Variants in GPI observed in about 807,000 individuals in gnomAD.
GPI encodes the protein glucose-6-phosphate isomerase.
Under a neutral mutation model 75.8 loss-of-function variants are expected in GPI, and 56 were observed. The observed-to-expected ratio is 0.74, with a 90% CI of 0.60 to 0.92. GPI has a LOEUF of 0.92. GPI is among the 40% of genes least tolerant of loss of function. GPI has a pLI of 0.00. For missense variants in GPI, 638 were observed against 741.0 expected (o/e 0.86, Z 1.61); for synonymous variants, 288 against 285.4 (o/e 1.01, Z -0.09).
Position 34,400,308 on chromosome 19 carries a change from A to G in GPI, c.*272A>G, listed in dbSNP as rs1231821160. The G allele has an allele frequency of 1.7e-6, 1 of 596,876 alleles. No homozygotes were observed. The highest frequency in any genetic ancestry group is 3.0e-6 in the Non-Finnish European group (1 of 335,552). 37.0% of individuals were successfully genotyped at this position (596,876 alleles called of 1,614,324 possible). A position where few individuals can be genotyped will look rare whatever the true frequency, so the allele number is the denominator to read the frequency against. On this transcript the variant is annotated 3_prime_UTR_variant, in exon 18 of 18. Coordinates refer to ENST00000356487, the MANE Select transcript of GPI (RefSeq NM_000175.5). ...CACGTTGTTCACATCCCATGTAGAA[A>G]AATAAAGATGCCACGGAGGAGGTTG...
Position 34,400,817 on chromosome 19 carries a change from C to G in GPI, c.*781C>G, listed in dbSNP as rs1406988175. 1 of 366,954 alleles carries G rather than the reference C, an allele frequency of 2.7e-6. No individual in the cohort carries two copies. Among genetic ancestry groups the G allele is most frequent in the Non-Finnish European group, 4.8e-6 (1 of 206,436 alleles). 22.7% of individuals were successfully genotyped at this position (366,954 alleles called of 1,614,324 possible). On this transcript the variant is annotated 3_prime_UTR_variant, in exon 18 of 18. Coordinates refer to ENST00000356487, the MANE Select transcript of GPI (RefSeq NM_000175.5). ...TCGGCTCACTGCAACCTCCGCCTCC[C>G]GGGTTCAAGCTATTCTCCTGCCTCA...
At position 34,400,682 on chromosome 19, in the gene GPI, G is replaced by A. The variant is rs1328436641; in HGVS notation, c.*646G>A. 9.9e-6 allele frequency: 4 copies of A among 403,468 alleles called. No individual in the cohort carries two copies. Among genetic ancestry groups the A allele is most frequent in the Non-Finnish European group, 1.3e-5 (3 of 229,052 alleles). The allele number at this position is 403,468 out of a possible 1,614,324, so 25.0% of individuals were successfully genotyped here. A position where few individuals can be genotyped will look rare whatever the true frequency, so the allele number is the denominator to read the frequency against. On this transcript the variant is annotated 3_prime_UTR_variant, in exon 18 of 18. Transcript: ENST00000356487. ...AGACCGAGGATGACTGCCATCTCCT[G>A]GCAAGACGCTCAGGTAGTTCTTTTG...
In GPI at chr19:34,399,572, G is replaced by T; in HGVS notation, c.1415G>T (p.Arg472Leu). ...TTTCTGCAGGTCTTTGAAGGAAATC[G>T]CCCAACCAACTCTATTGTGTTCACC... ...LLPHKVFEGN[R>L]PTNSIVFTKL... Residue 472 changes from arginine to leucine, a missense_variant, in exon 16 of 18, where the codon CGC (arginine) becomes CTC (leucine). Coordinates refer to ENST00000356487, the MANE Select transcript of GPI (RefSeq NM_000175.5). The T allele has an allele frequency of 1.9e-6, 3 of 1,614,070 alleles. No homozygotes were observed. Among genetic ancestry groups the T allele is most frequent in the Non-Finnish European group, 2.5e-6 (3 of 1,179,980 alleles).
upstream of GPI, among the ~76,000 whole-genome samples, chr19:34,361,624 G>A (rs548551930): frequency 2.6e-5 from 4 of 152,184 alleles, no homozygotes; most frequent in South Asian, 8.3e-4. Flanking sequence ...ACTTTTCTGT[G>A]CTTTCTCCCT....
intron 9 of GPI, among the ~76,000 whole-genome samples, chr19:34,389,009 C>T (rs941319511): frequency 1.3e-5 from 2 of 151,964 alleles, no homozygotes; most frequent in African/African-American, 4.8e-5. Flanking sequence ...GGGAGGATCA[C>T]TTGAGCCCAG....
intron 4 of GPI, among the ~76,000 whole-genome samples, chr19:34,369,152 T>C (rs1200987234): frequency 7.9e-5 from 12 of 151,692 alleles, no homozygotes. Flanking sequence ...GGATTCAAGC[T>C]ATTCTCCTAC....
At position 34,399,556 on chromosome 19, in the gene GPI, G is replaced by C; in HGVS notation, c.1399G>C (p.Val467Leu). Reference protein sequence around the residue: ...EDLERLLPHKVFEGNRPTNSI... With the variant: ...EDLERLLPHKLFEGNRPTNSI... ...AGACATTCCTTGGTGTTTTCTGCAG[G>C]TCTTTGAAGGAAATCGCCCAACCAA... Residue 467 changes from valine to leucine, a missense_variant and splice_region_variant, in exon 16 of 18, where the codon GTC (valine) becomes CTC (leucine). Physicochemically the swap from Val to Leu is conservative, Grantham distance 32. Coordinates refer to ENST00000356487, the MANE Select transcript of GPI (RefSeq NM_000175.5). 6.2e-7 allele frequency: 1 copy of C among 1,614,002 alleles called. No homozygotes were observed. The highest frequency in any genetic ancestry group is 8.5e-7 in the Non-Finnish European group (1 of 1,179,858).
intron 7 of GPI, 99 bp downstream of exon 7, chr19:34,379,104 T>C (rs1260754764): frequency 1.0e-5 from 11 of 1,078,826 alleles, no homozygotes; most frequent in Admixed American, 1.7e-5. Flanking sequence ...TCTCCTGAAG[T>C]TGGAAGTGAA....
chr19:34,389,924 C>T (rs1360543814), intron 9 of GPI, among the ~76,000 whole-genome samples: 1 of 152,234 alleles, frequency 6.6e-6, no homozygotes, highest in Non-Finnish European at 1.5e-5. Flanking sequence ...GTTAGGAAGA[C>T]ATCCGTGAAG....
chr19:34,368,476 T>C, intron 3 of GPI, 107 bp from the exon 4 acceptor site: 2 of 1,236,346 alleles, frequency 1.6e-6, no homozygotes, highest in Non-Finnish European at 2.4e-6. Context: ...CCTCAGGGCC[T>C]GCCTGTCTAG....
intron 9 of GPI, 68 bp downstream of exon 9, chr19:34,381,587 C>T: frequency 9.5e-7 from 1 of 1,050,524 alleles, no homozygotes; most frequent in Non-Finnish European, 1.5e-6. Context: ...GTTGAGAGGC[C>T]CATGAGGTCA....
intron 4 of GPI, among the ~76,000 whole-genome samples, chr19:34,374,891 G>A (rs918051607): frequency 1.2e-4 from 18 of 151,654 alleles, no homozygotes; most frequent in Admixed American, 5.9e-4. Flanking sequence ...ACCATGCCTG[G>A]CTACTTTTTT....
At chr19:34,377,293 C>T (rs1367668384) in intron 4 of GPI, among the ~76,000 whole-genome samples, 15 of 65,112 alleles carry the variant, frequency 2.3e-4, no homozygotes, top group African/African-American at 9.4e-4. Flanking sequence ...CAGAGCAAGG[C>T]TTCATCTCAA....
intron 12 of GPI, 109 bp downstream of exon 12, chr19:34,394,175 TG>T: frequency 1.3e-6 from 1 of 782,098 alleles, no homozygotes; most frequent in South Asian, 1.5e-5. Context: ...CCATTGCCCT[TG>T]GGCCTGGCCA....
At chr19:34,363,947 ACAGGG>A (rs1254069105), upstream of GPI, among the ~76,000 whole-genome samples, 1 of 152,226 alleles carries the variant, frequency 6.6e-6, no homozygotes, top group Non-Finnish European at 1.5e-5. Flanking sequence ...GGCCATGTGG[ACAGGG>A]CTGTTCCCTG....
rs1208506712 is a variant in GPI at position 34,367,333 on chromosome 19, T to A, written c.282+482T>A. On this transcript the variant is annotated intron_variant, in intron 3 of 17. Transcript: ENST00000356487. ...GACACTGAGCACCCAGACTCTGTCC[T>A]CATGATGTCATTATCCTCCTCTTAC... Among the ~76,000 whole-genome samples the A allele has an allele frequency of 2.0e-5, 3 of 152,134 alleles. No homozygotes were observed. In the East Asian group the frequency reaches 5.8e-4, roughly 29 times the overall value.
chr19:34,373,062 G>A (rs1202973445), intron 4 of GPI, among the ~76,000 whole-genome samples: 4 of 151,584 alleles, frequency 2.6e-5, no homozygotes, highest in Admixed American at 6.6e-5. Context: ...GTGAGCCACC[G>A]TGCCCAGCCT....
chr19:34,379,639 C>A, intron 8 of GPI, 77 bp downstream of exon 8: 1 of 1,194,786 alleles, frequency 8.4e-7, no homozygotes, highest in Non-Finnish European at 1.3e-6. Context: ...CTCAGAGACG[C>A]GGTTCGTAGG....
At chr19:34,363,397 G>C (rs1013454478), upstream of GPI, 2 of 152,438 alleles carry the variant, frequency 1.3e-5, no homozygotes, top group African/African-American at 4.8e-5. Flanking sequence ...AGTGATAATG[G>C]GGCAGTGGCT....
Sources: gnomAD v4.1 joint callset for allele counts (sites outside exome capture counted in the v4.1 genomes callset) on GRCh38, gnomAD v4.1.1 for gene constraint, MANE v1.5 for transcripts, NCBI Gene and HGNC (gene_info 2026-07-23, HGNC 2026-07-21) for gene names.